The following COL28A1 variants were observed in gnomAD, a reference collection of about 807,000 sequenced individuals.
The protein encoded by COL28A1 is collagen alpha-1(XXVIII) chain.
COL28A1 carries 161 observed loss-of-function variants against 150.2 expected under a neutral mutation model. The ratio of observed to expected loss-of-function variants is 1.07; its 90% confidence interval spans 0.94 to 1.22. The LOEUF (loss-of-function observed/expected upper bound fraction) is 1.22, where lower values mean the gene tolerates loss of function less well. Ranked by LOEUF, COL28A1 falls within the 50% of genes most tolerant of loss-of-function variation. The pLI, the probability that COL28A1 is intolerant of heterozygous loss-of-function variation, is 0.00. For missense variants in COL28A1, 1,617 were observed against 1,388.3 expected, an observed-to-expected ratio of 1.16 and a Z score of -2.62; for synonymous variants, 552 against 469.7, an observed-to-expected ratio of 1.18 and a Z score of -2.26.
chr7:7,540,128 G>C (rs890837393), upstream of COL28A1, among the ~76,000 whole-genome samples: 5 of 152,108 alleles, frequency 3.3e-5, no homozygotes, highest in Non-Finnish European at 7.4e-5. Flanking sequence ...ATATCTGAAA[G>C]TAGATTGATC....
intron 8 of COL28A1, 44 bp downstream of exon 8, chr7:7,515,770 T>C (rs747275466): frequency 3.4e-6 from 3 of 874,882 alleles, no homozygotes; most frequent in Non-Finnish European, 5.8e-6. Flanking sequence ...TTTCTGTTTT[T>C]CTTTTTGAAA....
At chr7:7,518,298 T>G (rs1008452723) in intron 6 of COL28A1, among the ~76,000 whole-genome samples, 2 of 152,136 alleles carry the variant, frequency 1.3e-5, no homozygotes, top group African/African-American at 4.8e-5. Context: ...ACATTTATAA[T>G]GGGTATTTAA....
intron 33 of COL28A1, among the ~76,000 whole-genome samples, chr7:7,366,135 G>A (rs1405496494): frequency 6.6e-6 from 1 of 152,124 alleles, no homozygotes; most frequent in African/African-American, 2.4e-5. Flanking sequence ...AGAACAGGAA[G>A]AACATTCTAG....
At chr7:7,512,157 T>C (rs1246062329) in intron 8 of COL28A1, among the ~76,000 whole-genome samples, 1 of 152,176 alleles carries the variant, frequency 6.6e-6, no homozygotes, top group East Asian at 1.9e-4. Context: ...ATGTGAGATC[T>C]AAAAAATTTG....
At chr7:7,448,934 T>C (rs545606967) in intron 18 of COL28A1, among the ~76,000 whole-genome samples, 1 of 152,022 alleles carries the variant, frequency 6.6e-6, no homozygotes, top group African/African-American at 2.4e-5. Context: ...AGCAGATAAT[T>C]GGAAAGCAGA....
upstream of COL28A1, among the ~76,000 whole-genome samples, chr7:7,538,506 G>A (rs1782721867): frequency 6.6e-6 from 1 of 152,074 alleles, no homozygotes; most frequent in African/African-American, 2.4e-5. Context: ...ACAATAAATT[G>A]CTCTTCTCCA....
intron 30 of COL28A1, among the ~76,000 whole-genome samples, chr7:7,380,159 T>C (rs918830869): frequency 6.6e-6 from 1 of 152,160 alleles, no homozygotes; most frequent in African/African-American, 2.4e-5. Flanking sequence ...TTCTTAATGG[T>C]GTGGGGAGAA....
intron 11 of COL28A1, among the ~76,000 whole-genome samples, chr7:7,499,583 A>G (rs1244241730): frequency 6.6e-6 from 1 of 152,234 alleles, no homozygotes; most frequent in African/African-American, 2.4e-5. Context: ...ATAAGGAATT[A>G]TATCCTGTTA....
chr7:7,414,046 G>A (rs1272308861), intron 27 of COL28A1, among the ~76,000 whole-genome samples: 1 of 152,136 alleles, frequency 6.6e-6, no homozygotes. Context: ...ATGGAGATGG[G>A]GAAACTGGCA....
intron 6 of COL28A1, 59 bp downstream of exon 6, chr7:7,520,003 T>TAA: frequency 3.6e-6 from 3 of 828,276 alleles, no homozygotes; most frequent in African/African-American, 1.7e-5. Context: ...ATTGTTGTTT[T>TAA]AAAAAAAAAG....
chr7:7,473,674 T>C (rs1205552609), intron 15 of COL28A1, among the ~76,000 whole-genome samples: 3 of 152,122 alleles, frequency 2.0e-5, no homozygotes, highest in African/African-American at 7.2e-5. Flanking sequence ...GATCCAGCAA[T>C]CCCACTACTG....
intron 33 of COL28A1, among the ~76,000 whole-genome samples, chr7:7,362,195 C>G (rs1291741027): frequency 2.0e-5 from 3 of 152,138 alleles, no homozygotes; most frequent in African/African-American, 7.2e-5. Context: ...AAAATCATGT[C>G]AGTCATTCTT....
Position 7,517,848 on chromosome 7 carries a change from CAA to C in COL28A1, c.814-13_814-12del, listed in dbSNP as rs1562890951. Reference sequence around the variant, plus strand: ...TTTTTGAGCGTTGCCCTGTGACAAACAAAAAACAGTAAAAATTCCACAGCCCT... The same window carrying C: ...TTTTTGAGCGTTGCCCTGTGACAAACAAAACAGTAAAAATTCCACAGCCCT... On this transcript the variant is annotated splice_polypyrimidine_tract_variant and intron_variant, in intron 6 of 34. Coordinates refer to ENST00000399429, the MANE Select transcript of COL28A1 (RefSeq NM_001037763.3). The C allele has an allele frequency of 1.2e-6, 2 of 1,613,440 alleles. No homozygotes were observed. The highest frequency in any genetic ancestry group is 2.2e-5 in the South Asian group (2 of 91,060).
intron 5 of COL28A1, among the ~76,000 whole-genome samples, chr7:7,521,330 T>C (rs1781712755): frequency 2.0e-5 from 3 of 152,210 alleles, no homozygotes; most frequent in Admixed American, 2.0e-4. Context: ...AAGCACTCCT[T>C]CCTGGATTAT....
chr7:7,465,260 G>A (rs886341751), intron 15 of COL28A1, among the ~76,000 whole-genome samples: 3 of 27,866 alleles, frequency 1.1e-4, no homozygotes, highest in Admixed American at 4.6e-4. Context: ...CACCGTGCGC[G>A]AGCCGAAGCA....
At chr7:7,405,825 A>G (rs1483894327) in intron 27 of COL28A1, among the ~76,000 whole-genome samples, 1 of 152,182 alleles carries the variant, frequency 6.6e-6, no homozygotes, top group East Asian at 1.9e-4. Context: ...GTGACAGGCA[A>G]TGATGGAGTA....
At chr7:7,391,356 T>A (rs1357354631) in intron 27 of COL28A1, among the ~76,000 whole-genome samples, 1 of 152,176 alleles carries the variant, frequency 6.6e-6, no homozygotes, top group African/African-American at 2.4e-5. Context: ...TTGTTATGAT[T>A]TCCATTCTTT....
At chr7:7,505,891 A>G (rs1217382762) in intron 11 of COL28A1, 123 bp downstream of exon 11, 1 of 703,182 alleles carries the variant, frequency 1.4e-6, no homozygotes, top group East Asian at 2.5e-5. Flanking sequence ...TCTGCAGGTT[A>G]TTATGCATTT....
At chr7:7,463,504 G>T (rs1485902406) in intron 15 of COL28A1, among the ~76,000 whole-genome samples, 4 of 152,132 alleles carry the variant, frequency 2.6e-5, no homozygotes, top group Non-Finnish European at 1.5e-5. Context: ...AGAAGGGATT[G>T]GGGTCCTATC....
Sources: allele counts gnomAD v4.1 joint callset (sites outside exome capture counted in the v4.1 genomes callset), GRCh38; gene constraint gnomAD v4.1.1; transcripts MANE v1.5; gene names NCBI Gene and HGNC (gene_info 2026-07-23, HGNC 2026-07-21).